CLSTN2: variants seen among roughly 807,000 people sequenced by gnomAD.
CLSTN2 encodes calsyntenin-2.
Under a neutral mutation model 101.2 loss-of-function variants are expected in CLSTN2, and 48 were observed. That is an observed-to-expected ratio of 0.47 (90% confidence interval 0.38 to 0.60). The LOEUF is 0.60. Ranked by LOEUF, CLSTN2 falls within the 20% of genes least tolerant of loss-of-function variation. The pLI, the probability that CLSTN2 is intolerant of heterozygous loss-of-function variation, is 0.00. For missense variants in CLSTN2, 1,160 were observed against 1,238.2 expected (o/e 0.94, Z 0.95); for synonymous variants, 481 against 463.6 (o/e 1.04, Z -0.48).
intron 2 of CLSTN2, among the ~76,000 whole-genome samples, chr3:140,390,573 G>A (rs919565079): frequency 6.6e-6 from 1 of 152,216 alleles, no homozygotes; most frequent in Non-Finnish European, 1.5e-5. Flanking sequence ...GAATTCTGCA[G>A]TTGGATGTAG....
At chr3:140,005,445 A>C (rs930951943) in intron 1 of CLSTN2, among the ~76,000 whole-genome samples, 2 of 152,166 alleles carry the variant, frequency 1.3e-5, no homozygotes, top group Admixed American at 1.3e-4. Context: ...GTACCAATGT[A>C]GTCCCATCAG....
chr3:140,375,168 G>C (rs1044126246), intron 2 of CLSTN2, among the ~76,000 whole-genome samples: 6 of 152,228 alleles, frequency 3.9e-5, no homozygotes, highest in Non-Finnish European at 8.8e-5. Context: ...GGGAAAGGTA[G>C]TTGAGAGGAC....
At chr3:140,546,392 G>C in intron 9 of CLSTN2, 123 bp from the exon 10 acceptor site, 1 of 953,922 alleles carries the variant, frequency 1.0e-6, no homozygotes, top group South Asian at 1.7e-5. Flanking sequence ...TCACTCAGAA[G>C]GAAAAGCTCA....
Position 140,564,237 on chromosome 3 carries a change from C to A in CLSTN2, c.2667+92C>A, listed in dbSNP as rs545982464. 2.8e-5 allele frequency: 33 copies of A among 1,186,894 alleles called. 1 individual carries two copies. In the South Asian group the frequency reaches 4.2e-4, roughly 15 times the overall value. 73.5% of individuals were successfully genotyped at this position (1,186,894 alleles called of 1,614,324 possible). Reference sequence around the variant, plus strand: ...CTATGCCTAAAGCAGCCCCATACCCCCTCCTTCTGGAAGCCCTGCCCCATC... The same window carrying A: ...CTATGCCTAAAGCAGCCCCATACCCACTCCTTCTGGAAGCCCTGCCCCATC... On this transcript the variant is annotated intron_variant, in intron 16 of 16. Transcript: ENST00000458420.
In CLSTN2 at chr3:140,196,250, G is replaced by A. The variant is rs1017929610; in HGVS notation, c.232+20177G>A. ...CTGGCAGCTGGTCATTGTCAGAGAT[G>A]GCGGAGCTTTCCCAAATCTCATGAC... On this transcript the variant is annotated intron_variant, in intron 2 of 16. Transcript: ENST00000458420. Among the ~76,000 whole-genome samples, 3 of 152,330 alleles carry A rather than the reference G, an allele frequency of 2.0e-5. No homozygotes were observed. The East Asian group carries it at 5.8e-4, about 29-fold the overall frequency.
At chr3:140,354,046 G>T (rs114769138) in intron 2 of CLSTN2, among the ~76,000 whole-genome samples, 96 of 152,326 alleles carry the variant, frequency 6.3e-4, no homozygotes, top group African/African-American at 2.0e-3. Context: ...AAGTACTCAA[G>T]AATATGCTGG....
At chr3:140,356,318 A>C (rs1029610533) in intron 2 of CLSTN2, among the ~76,000 whole-genome samples, 1 of 152,236 alleles carries the variant, frequency 6.6e-6, no homozygotes, top group Non-Finnish European at 1.5e-5. Context: ...AGATCAGGGT[A>C]GATTCACAAA....
intron 1 of CLSTN2, among the ~76,000 whole-genome samples, chr3:140,016,571 C>A (rs528526416): frequency 6.6e-6 from 1 of 151,796 alleles, no homozygotes; most frequent in African/African-American, 2.4e-5. Context: ...GAGGCCGAGG[C>A]GGGCGGATCA....
At chr3:140,213,681 A>G (rs1287253876) in intron 2 of CLSTN2, among the ~76,000 whole-genome samples, 4 of 152,148 alleles carry the variant, frequency 2.6e-5, no homozygotes, top group Admixed American at 6.5e-5. Flanking sequence ...TCATTCATCT[A>G]TTCTAGGTCT....
At chr3:139,956,199 C>A (rs1935396061) in intron 1 of CLSTN2, among the ~76,000 whole-genome samples, 1 of 152,208 alleles carries the variant, frequency 6.6e-6, no homozygotes, top group Non-Finnish European at 1.5e-5. Context: ...AGAGCCTATG[C>A]TGGTCATGTT....
intron 2 of CLSTN2, among the ~76,000 whole-genome samples, chr3:140,317,268 G>A (rs2087239340): frequency 6.6e-6 from 1 of 152,022 alleles, no homozygotes; most frequent in Admixed American, 6.6e-5. Flanking sequence ...TGTGCAGGTG[G>A]GAAAAGTTCA....
At chr3:140,212,713 T>C (rs2010873464) in intron 2 of CLSTN2, among the ~76,000 whole-genome samples, 1 of 152,194 alleles carries the variant, frequency 6.6e-6, no homozygotes, top group South Asian at 2.1e-4. Flanking sequence ...ACAAACTCAT[T>C]TGATTTTCTC....
chr3:140,079,029 G>A (rs2008541716), intron 1 of CLSTN2, among the ~76,000 whole-genome samples: 1 of 152,140 alleles, frequency 6.6e-6, no homozygotes, highest in Admixed American at 6.5e-5. Flanking sequence ...TTGAGTCCTA[G>A]TTCTGTCTGT....
intron 12 of CLSTN2, among the ~76,000 whole-genome samples, chr3:140,559,560 A>AGGGGGGGGG (rs1299690699): frequency 7.4e-6 from 1 of 135,574 alleles, no homozygotes; most frequent in African/African-American, 2.8e-5. Flanking sequence ...GGCGGGGGTC[A>AGGGGGGGGG]GGGGGGCGGG....
At chr3:139,945,435 G>A (rs1009706140) in intron 1 of CLSTN2, among the ~76,000 whole-genome samples, 9 of 152,286 alleles carry the variant, frequency 5.9e-5, no homozygotes, top group Admixed American at 1.3e-4. Flanking sequence ...AGAAATCTTC[G>A]AGGCTTAAAC....
chr3:140,032,355 GA>G (rs1363008649), intron 1 of CLSTN2, among the ~76,000 whole-genome samples: 3 of 120,398 alleles, frequency 2.5e-5, no homozygotes, highest in African/African-American at 9.5e-5. Context: ...TTTTTTTTGA[GA>G]CGGAGTCTCA....
intron 8 of CLSTN2, among the ~76,000 whole-genome samples, chr3:140,493,347 G>A (rs1330470950): frequency 6.6e-6 from 1 of 152,210 alleles, no homozygotes; most frequent in Non-Finnish European, 1.5e-5. Flanking sequence ...TGTCTTTAAA[G>A]TGTTTTTAAT....
At chr3:140,321,488 G>A (rs2107923779) in intron 2 of CLSTN2, among the ~76,000 whole-genome samples, 1 of 152,286 alleles carries the variant, frequency 6.6e-6, no homozygotes, top group African/African-American at 2.4e-5. Flanking sequence ...ACCCTCAGGT[G>A]TGGATTCATG....
intron 2 of CLSTN2, among the ~76,000 whole-genome samples, chr3:140,287,490 T>C (rs2086906010): frequency 6.6e-6 from 1 of 152,116 alleles, no homozygotes; most frequent in Non-Finnish European, 1.5e-5. Context: ...CCAAAATTGG[T>C]CAAAAATGTA....
Sources: allele counts gnomAD v4.1 joint callset (sites outside exome capture counted in the v4.1 genomes callset), GRCh38; gene constraint gnomAD v4.1.1; transcripts MANE v1.5; gene names NCBI Gene and HGNC (gene_info 2026-07-23, HGNC 2026-07-21).